The following NRG3 variants were observed in gnomAD, a reference collection of about 807,000 sequenced individuals.
NRG3 encodes the protein neuregulin 3.
Under a neutral mutation model 66.9 loss-of-function variants are expected in NRG3, and 31 were observed. That is an observed-to-expected ratio of 0.46 (90% CI 0.35 to 0.63). NRG3 has a LOEUF of 0.63. NRG3 is among the 20% of genes least tolerant of loss of function. The probability of loss-of-function intolerance (pLI) is 0.00; values close to 1 mark genes in which losing one functional copy is unlikely to be tolerated. For synonymous variants in NRG3, 393 were observed against 359.4 expected, an observed-to-expected ratio of 1.09 and a Z score of -1.06; for missense variants, 910 against 878.9, an observed-to-expected ratio of 1.04 and a Z score of -0.45.
At chr10:82,743,091 C>T (rs1376806365) in intron 3 of NRG3, among the ~76,000 whole-genome samples, 4 of 152,072 alleles carry the variant, frequency 2.6e-5, no homozygotes, top group Admixed American at 1.3e-4. Flanking sequence ...TGGAGACAGC[C>T]GTTTCTACCC....
At chr10:82,971,209 CA>C (rs1403819520) in intron 6 of NRG3, among the ~76,000 whole-genome samples, 2 of 152,104 alleles carry the variant, frequency 1.3e-5, no homozygotes, top group African/African-American at 4.8e-5. Context: ...AGACACCTCC[CA>C]CCAGGCCTCA....
intron 1 of NRG3, among the ~76,000 whole-genome samples, chr10:82,207,779 A>G (rs932673065): frequency 2.0e-5 from 3 of 152,134 alleles, no homozygotes; most frequent in African/African-American, 7.2e-5. Flanking sequence ...AGAGCCCCTT[A>G]TAAAACCATT....
At chr10:82,253,113 A>G (rs1173621167) in intron 1 of NRG3, among the ~76,000 whole-genome samples, 2 of 152,172 alleles carry the variant, frequency 1.3e-5, no homozygotes, top group East Asian at 1.9e-4. Context: ...CCCAATACCA[A>G]CAACTATATC....
intron 1 of NRG3, among the ~76,000 whole-genome samples, chr10:81,903,471 C>G (rs1844271160): frequency 1.3e-5 from 2 of 152,188 alleles, no homozygotes. Context: ...AAGCATAACA[C>G]AACTGACTTC....
intron 1 of NRG3, among the ~76,000 whole-genome samples, chr10:82,206,646 T>G (rs1184358272): frequency 6.6e-6 from 1 of 152,202 alleles, no homozygotes; most frequent in Non-Finnish European, 1.5e-5. Flanking sequence ...GGCTGTAATA[T>G]TTGCTTGCTT....
intron 2 of NRG3, among the ~76,000 whole-genome samples, chr10:82,639,705 C>A (rs1277744544): frequency 6.6e-6 from 1 of 152,084 alleles, no homozygotes; most frequent in Non-Finnish European, 1.5e-5. Context: ...AAATTTAACC[C>A]CCTTTTAAGA....
Position 82,975,097 on chromosome 10 carries a change from G to A in NRG3, c.1412+1182G>A, listed in dbSNP as rs187983371. On this transcript the variant is annotated intron_variant, in intron 7 of 8. Coordinates refer to ENST00000372141, the MANE Select transcript of NRG3 (RefSeq NM_001010848.4). Reference sequence around the variant, plus strand: ...ATTGCTTTAGCTATTCTTACTGCAAGTTTTGATTTATATCAATGTTGCATT... The same window carrying A: ...ATTGCTTTAGCTATTCTTACTGCAAATTTTGATTTATATCAATGTTGCATT... 4.6e-5 allele frequency among the ~76,000 whole-genome samples: 7 copies of A among 152,284 alleles called. No homozygotes were observed. In the East Asian group the frequency reaches 1.4e-3, roughly 29 times the overall value.
intron 1 of NRG3, among the ~76,000 whole-genome samples, chr10:82,187,508 A>T (rs867220183): frequency 7.9e-5 from 12 of 152,164 alleles, no homozygotes; most frequent in African/African-American, 2.7e-4. Flanking sequence ...AAAAGTTTTC[A>T]TTATTTGTTC....
At chr10:82,016,546 T>C (rs1049130861) in intron 1 of NRG3, among the ~76,000 whole-genome samples, 1 of 152,090 alleles carries the variant, frequency 6.6e-6, no homozygotes, top group Admixed American at 6.6e-5. Context: ...TGCCATAAAA[T>C]AGGCTTAGGA....
chr10:82,485,972 T>TA (rs1435741624), intron 2 of NRG3, among the ~76,000 whole-genome samples: 5 of 152,060 alleles, frequency 3.3e-5, no homozygotes, highest in African/African-American at 1.2e-4. Context: ...ATAACCCAAT[T>TA]AAAAAATGGA....
intron 1 of NRG3, among the ~76,000 whole-genome samples, chr10:82,325,341 C>G (rs1018928370): frequency 6.6e-6 from 1 of 151,916 alleles, no homozygotes; most frequent in Non-Finnish European, 1.5e-5. Context: ...GCTACTGTGC[C>G]TGGCTAATTT....
intron 3 of NRG3, among the ~76,000 whole-genome samples, chr10:82,846,215 G>A (rs956321886): frequency 2.0e-5 from 3 of 151,956 alleles, no homozygotes; most frequent in African/African-American, 4.8e-5. Flanking sequence ...GAACACTCAC[G>A]AGGCTTTTTT....
intron 3 of NRG3, among the ~76,000 whole-genome samples, chr10:82,750,314 G>A (rs895660788): frequency 2.6e-5 from 4 of 152,116 alleles, no homozygotes; most frequent in African/African-American, 9.7e-5. Flanking sequence ...AATGGTTTGA[G>A]CTATTATCAT....
At chr10:81,964,634 G>A (rs1252805014) in intron 1 of NRG3, among the ~76,000 whole-genome samples, 2 of 152,064 alleles carry the variant, frequency 1.3e-5, no homozygotes, top group Admixed American at 1.3e-4. Context: ...ATGGAATACT[G>A]GATCAGACAG....
chr10:82,422,430 C>T (rs1441246799), intron 2 of NRG3, among the ~76,000 whole-genome samples: 1 of 151,876 alleles, frequency 6.6e-6, no homozygotes, highest in Admixed American at 6.6e-5. Context: ...CTGGGAAAGC[C>T]CCTGTTAATT....
chr10:82,102,270 T>G (rs2066808460), intron 1 of NRG3, among the ~76,000 whole-genome samples: 1 of 149,666 alleles, frequency 6.7e-6, no homozygotes, highest in South Asian at 2.1e-4. Flanking sequence ...TGTCTGATAT[T>G]GATATAGCCA....
chr10:82,402,750 A>G (rs959937839), intron 2 of NRG3, among the ~76,000 whole-genome samples: 3 of 152,100 alleles, frequency 2.0e-5, no homozygotes, highest in African/African-American at 4.8e-5. Flanking sequence ...AAATACGTCT[A>G]TGTGGGTGCC....
chr10:81,932,469 G>A (rs1179113967), intron 1 of NRG3, among the ~76,000 whole-genome samples: 1 of 152,094 alleles, frequency 6.6e-6, no homozygotes, highest in Non-Finnish European at 1.5e-5. Flanking sequence ...CTTGACATAG[G>A]TAAGAAGTAA....
chr10:82,091,600 G>A (rs1229991467), intron 1 of NRG3, among the ~76,000 whole-genome samples: 1 of 152,116 alleles, frequency 6.6e-6, no homozygotes, highest in Non-Finnish European at 1.5e-5. Context: ...CTTGGCTGTT[G>A]TGAATAATGC....
Sources: allele counts gnomAD v4.1 joint callset (sites outside exome capture counted in the v4.1 genomes callset), GRCh38; gene constraint gnomAD v4.1.1; transcripts MANE v1.5; gene names NCBI Gene and HGNC (gene_info 2026-07-23, HGNC 2026-07-21).